SPIRE1: variants seen among roughly 807,000 people sequenced by gnomAD.
SPIRE1 encodes the protein spire type actin nucleation factor 1.
SPIRE1 carries 40 observed loss-of-function variants against 94.1 expected under a neutral mutation model. The observed-to-expected ratio is 0.43, with a 90% confidence interval of 0.33 to 0.55. SPIRE1 has a LOEUF of 0.55. SPIRE1 is among the 20% of genes least tolerant of loss of function. The pLI, the probability that SPIRE1 is intolerant of heterozygous loss-of-function variation, is 0.06. For missense variants in SPIRE1, 838 were observed against 975.2 expected (o/e 0.86, Z 1.87); for synonymous variants, 376 against 371.7 (o/e 1.01, Z -0.13).
intron 4 of SPIRE1, among the ~76,000 whole-genome samples, chr18:12,525,676 C>G (rs533658090): frequency 9.2e-5 from 14 of 152,212 alleles, no homozygotes; most frequent in African/African-American, 3.4e-4. Context: ...AACCTGCTTC[C>G]TCGCTCACAC....
At chr18:12,494,734 T>G (rs1241444845) in intron 7 of SPIRE1, among the ~76,000 whole-genome samples, 19 of 141,016 alleles carry the variant, frequency 1.3e-4, no homozygotes, top group Admixed American at 2.9e-4. Flanking sequence ...AGCTACTTGG[T>G]AGGCTGAGGC....
At chr18:12,548,890 C>G (rs2035253287) in intron 2 of SPIRE1, among the ~76,000 whole-genome samples, 1 of 152,164 alleles carries the variant, frequency 6.6e-6, no homozygotes, top group Admixed American at 6.5e-5. Context: ...GCTAGGATTA[C>G]AGGAATGAGC....
rs543156552 is a variant in SPIRE1 at position 12,501,633 on chromosome 18, C to T, written c.972+4844G>A. On this transcript the variant is annotated intron_variant, in intron 6 of 16. Transcript: ENST00000409402. ...TCTTGACCTTGTGTTCCGCACGCCT[C>T]GGCCTCCCAAAGTGTTGGGATTACA... Among the ~76,000 whole-genome samples the T allele has an allele frequency of 3.9e-3, 592 of 152,280 alleles. 4 individuals are homozygous for T. Among genetic ancestry groups the T allele is most frequent in the Non-Finnish European group, 6.9e-3 (466 of 68,020 alleles).
chr18:12,579,467 G>T (rs895905736), intron 2 of SPIRE1, among the ~76,000 whole-genome samples: 1 of 152,130 alleles, frequency 6.6e-6, no homozygotes, highest in African/African-American at 2.4e-5. Flanking sequence ...TAGATTTAAG[G>T]TTAGCAGCAG....
At chr18:12,615,275 CCGAGATT>C (rs1359994730) in intron 2 of SPIRE1, among the ~76,000 whole-genome samples, 1 of 130,764 alleles carries the variant, frequency 7.6e-6, no homozygotes, top group African/African-American at 2.9e-5. Flanking sequence ...TTGCAGTGAG[CCGAGATT>C]GGCCATTGCA....
At chr18:12,495,451 A>AAGG (rs1350173745) in intron 7 of SPIRE1, among the ~76,000 whole-genome samples, 1 of 152,234 alleles carries the variant, frequency 6.6e-6, no homozygotes, top group Non-Finnish European at 1.5e-5. Context: ...GACAATCCAT[A>AAGG]ACAGGACTAT....
At chr18:12,635,174 C>T (rs1197191066) in intron 1 of SPIRE1, 78 bp from the exon 2 acceptor site, 1 of 749,958 alleles carries the variant, frequency 1.3e-6, no homozygotes, top group Non-Finnish European at 2.2e-6. Flanking sequence ...TTGAGCTTCT[C>T]TGGCTATGGC....
chr18:12,559,265 C>T lies in SPIRE1; in HGVS notation c.373-12361G>A, dbSNP rs952861551. 3.9e-5 allele frequency among the ~76,000 whole-genome samples: 6 copies of T among 152,256 alleles called. No homozygotes were observed. The highest frequency in any genetic ancestry group is 1.9e-4 in the East Asian group (1 of 5,158). ...AGGCAGCTGAGGCCTAGTGAGAATTCGAGCACAGTGCAGGCGGGCCAGCAG... is the reference window on the plus strand; with the variant it reads ...AGGCAGCTGAGGCCTAGTGAGAATTTGAGCACAGTGCAGGCGGGCCAGCAG... On this transcript the variant is annotated intron_variant, in intron 2 of 16. Coordinates refer to ENST00000409402, the MANE Select transcript of SPIRE1 (RefSeq NM_001128626.2). The surrounding 1 kb of genome is among the most constrained non-coding windows in gnomAD (Gnocchi z 4.7).
At position 12,657,941 on chromosome 18, in the gene SPIRE1, GCGCCGCCGCCTCACCATCCCCGGAAC is replaced by G; in HGVS notation, c.-101_-76del. The stretch of plus-strand genomic sequence containing the variant: ...CTCAGCTCCGGAGCATCGTCGTCGC[GCGCCGCCGCCTCACCATCCCCGGAAC>G]CGCCGCCGCCCAACGCGGCCGCGCG... On this transcript the variant is annotated 5_prime_UTR_variant, in exon 1 of 17. It removes an upstream start codon present in the reference 5' UTR. Transcript: ENST00000409402. 9.9e-7 allele frequency: 1 copy of G among 1,010,700 alleles called. No individual in the cohort carries two copies. Among genetic ancestry groups the G allele is most frequent in the Non-Finnish European group, 1.2e-6 (1 of 848,532 alleles). 62.6% of individuals were successfully genotyped at this position (1,010,700 alleles called of 1,614,324 possible). A position where few individuals can be genotyped will look rare whatever the true frequency, so the allele number is the denominator to read the frequency against.
At position 12,524,473 on chromosome 18, in the gene SPIRE1, T is replaced by C. The variant is rs143970602; in HGVS notation, c.729+11003A>G. On this transcript the variant is annotated intron_variant, in intron 4 of 16. Transcript: ENST00000409402. Reference sequence around the variant, plus strand: ...TTTTAAACAGCATAGCTATTTATACTGATGGGGGGAAAAATGTTTTCTTTT... The same window carrying C: ...TTTTAAACAGCATAGCTATTTATACCGATGGGGGGAAAAATGTTTTCTTTT... 3.5e-3 allele frequency among the ~76,000 whole-genome samples: 531 copies of C among 152,350 alleles called. 4 individuals are homozygous for C. The highest frequency in any genetic ancestry group is 0.012 in the African/African-American group (498 of 41,580).
At chr18:12,642,922 TA>T in intron 1 of SPIRE1, among the ~76,000 whole-genome samples, 1 of 152,218 alleles carries the variant, frequency 6.6e-6, no homozygotes, top group East Asian at 1.9e-4. Context: ...TCCTGGAACT[TA>T]AAGTAAAATT....
intron 2 of SPIRE1, among the ~76,000 whole-genome samples, chr18:12,595,205 C>T (rs1161335359): frequency 6.6e-6 from 1 of 152,082 alleles, no homozygotes; most frequent in Non-Finnish European, 1.5e-5. Context: ...ACTTGGGAGG[C>T]TGAGGTGGGA....
At chr18:12,508,600 A>C (rs1049923889) in intron 5 of SPIRE1, among the ~76,000 whole-genome samples, 1 of 152,150 alleles carries the variant, frequency 6.6e-6, no homozygotes, top group Non-Finnish European at 1.5e-5. Context: ...TTTGGGCTTT[A>C]AATTAGGAGA....
intron 2 of SPIRE1, among the ~76,000 whole-genome samples, chr18:12,571,086 T>C (rs2035949355): frequency 6.6e-6 from 1 of 152,140 alleles, no homozygotes; most frequent in South Asian, 2.1e-4. Context: ...ATTAATTTTA[T>C]TTTTTTGAGA....
intron 12 of SPIRE1, among the ~76,000 whole-genome samples, chr18:12,459,044 C>T (rs116177794): frequency 1.2e-3 from 188 of 152,258 alleles, no homozygotes; most frequent in African/African-American, 4.3e-3. Context: ...GCACCTGCTA[C>T]GTGGTGGCAG....
chr18:12,546,530 G>T, intron 3 of SPIRE1, 144 bp downstream of exon 3: 1 of 666,746 alleles, frequency 1.5e-6, no homozygotes, highest in Non-Finnish European at 2.6e-6. Context: ...CTACTCATGA[G>T]GCAGAGGCTA....
intron 2 of SPIRE1, among the ~76,000 whole-genome samples, chr18:12,570,069 C>A (rs2035924851): frequency 6.6e-6 from 1 of 152,200 alleles, no homozygotes; most frequent in African/African-American, 2.4e-5. Flanking sequence ...ATGCTTCATG[C>A]AGAGCACCCA....
chr18:12,601,208 G>T (rs1187190258), intron 2 of SPIRE1, among the ~76,000 whole-genome samples: 2 of 151,082 alleles, frequency 1.3e-5, no homozygotes, highest in Admixed American at 1.3e-4. Context: ...ATCACTTAAG[G>T]TTCGAGACCA....
chr18:12,648,002 A>G (rs1041540017), intron 1 of SPIRE1, among the ~76,000 whole-genome samples: 1 of 152,212 alleles, frequency 6.6e-6, no homozygotes, highest in Non-Finnish European at 1.5e-5. Flanking sequence ...CTAAGGAGCA[A>G]TCAATGGCCA....
Sources: gnomAD v4.1 joint callset for allele counts (sites outside exome capture counted in the v4.1 genomes callset) on GRCh38, gnomAD v4.1.1 for gene constraint, Gnocchi (gnomAD v3.1) non-coding constraint, MANE v1.5 for transcripts, NCBI Gene and HGNC (gene_info 2026-07-23, HGNC 2026-07-21) for gene names.